SKAP2: variants seen among roughly 807,000 people sequenced by gnomAD.
The protein encoded by SKAP2 is src kinase associated phosphoprotein 2.
SKAP2 carries 28 observed loss-of-function variants against 54.9 expected under a neutral mutation model. That is an observed-to-expected ratio of 0.51 (90% CI 0.38 to 0.70). SKAP2 has a LOEUF of 0.70. Ranked by LOEUF, SKAP2 falls within the 30% of genes least tolerant of loss-of-function variation. SKAP2 has a pLI of 0.00. For missense variants in SKAP2, 356 were observed against 424.1 expected, an observed-to-expected ratio of 0.84 and a Z score of 1.41; for synonymous variants, 137 against 134.3, an observed-to-expected ratio of 1.02 and a Z score of -0.14.
At chr7:26,820,791 C>G (rs921791865) in intron 4 of SKAP2, among the ~76,000 whole-genome samples, 1 of 152,172 alleles carries the variant, frequency 6.6e-6, no homozygotes, top group Non-Finnish European at 1.5e-5. Context: ...AATTAAACTA[C>G]TTATGTTCAA....
chr7:26,840,361 C>T (rs143558652), intron 4 of SKAP2, among the ~76,000 whole-genome samples: 1 of 152,056 alleles, frequency 6.6e-6, no homozygotes, highest in Non-Finnish European at 1.5e-5. Flanking sequence ...TCACTGAATC[C>T]TTTCACCTTA....
At chr7:26,807,616 G>A (rs577859361) in intron 4 of SKAP2, among the ~76,000 whole-genome samples, 1 of 152,302 alleles carries the variant, frequency 6.6e-6, no homozygotes, top group Non-Finnish European at 1.5e-5. Context: ...GACTAATACA[G>A]TCTCCAATTT....
chr7:26,712,665 T>C (rs1412960683), intron 9 of SKAP2, among the ~76,000 whole-genome samples: 1 of 152,166 alleles, frequency 6.6e-6, no homozygotes, highest in Non-Finnish European at 1.5e-5. Context: ...TAATAATACC[T>C]ATACCATCAA....
At chr7:26,760,207 AC>A (rs1782894973) in intron 4 of SKAP2, among the ~76,000 whole-genome samples, 1 of 152,210 alleles carries the variant, frequency 6.6e-6, no homozygotes, top group Non-Finnish European at 1.5e-5. Context: ...AATTCAAACT[AC>A]TTGAAATTCT....
intron 1 of SKAP2, among the ~76,000 whole-genome samples, chr7:26,863,190 T>C (rs1300472064): frequency 6.6e-6 from 1 of 152,126 alleles, no homozygotes; most frequent in Non-Finnish European, 1.5e-5. Context: ...ACTACCATAT[T>C]AATAATGCCA....
chr7:26,784,364 G>C (rs1431371806), intron 4 of SKAP2, among the ~76,000 whole-genome samples: 1 of 152,176 alleles, frequency 6.6e-6, no homozygotes, highest in African/African-American at 2.4e-5. Context: ...TGGAGCAAAA[G>C]TTTTTCCTCC....
At chr7:26,839,154 A>T (rs1784769523) in intron 4 of SKAP2, among the ~76,000 whole-genome samples, 1 of 152,180 alleles carries the variant, frequency 6.6e-6, no homozygotes, top group Admixed American at 6.6e-5. Context: ...ACTTAGAAAG[A>T]TAATTCTCAA....
intron 9 of SKAP2, among the ~76,000 whole-genome samples, chr7:26,704,157 T>A (rs893125356): frequency 2.6e-5 from 4 of 152,188 alleles, no homozygotes; most frequent in Non-Finnish European, 5.9e-5. Context: ...TGAAAAATAG[T>A]GTACACTGCT....
At position 26,690,352 on chromosome 7, in the gene SKAP2, C is replaced by G. The variant is rs1562576654; in HGVS notation, c.807G>C (p.Glu269Asp). 1 of 1,608,862 alleles carries G rather than the reference C, an allele frequency of 6.2e-7. No homozygotes were observed. Among genetic ancestry groups the G allele is most frequent in the African/African-American group, 1.3e-5 (1 of 74,900 alleles). The change falls in exon 10 of 13, where the codon GAG becomes GAC. Residue 269 changes from glutamate to aspartate, a missense_variant. Transcript: ENST00000345317. The part of the protein sequence containing the change: ...EIYEELPEEE[E>D]DSAPVKVEEQ... ...CTTCCACTTTCACTGGAGCACTGTC[C>G]TCTTCTTCTTCTGTAAATAAACATT...
chr7:26,753,287 G>T (rs1782723998), intron 4 of SKAP2, among the ~76,000 whole-genome samples: 1 of 152,136 alleles, frequency 6.6e-6, no homozygotes, highest in Non-Finnish European at 1.5e-5. Context: ...GGGATCATAA[G>T]GCAGTGTTCT....
intron 6 of SKAP2, among the ~76,000 whole-genome samples, chr7:26,737,085 T>C (rs1281419858): frequency 1.3e-5 from 2 of 152,192 alleles, no homozygotes; most frequent in Non-Finnish European, 1.5e-5. Flanking sequence ...AACACTGACA[T>C]TAGTATTCAT....
chr7:26,791,330 C>T (rs1783670553), intron 4 of SKAP2, among the ~76,000 whole-genome samples: 1 of 152,082 alleles, frequency 6.6e-6, no homozygotes, highest in African/African-American at 2.4e-5. Flanking sequence ...TCACGGCTCA[C>T]TGCTGGCTAA....
rs755696213 is a variant in SKAP2, at chr7:26,684,834, C to G, written c.889G>C (p.Asp297His). ...VHHTSGDKST[D>H]YANFYQGLWD... is the part of the protein sequence containing the mutation. ...AATCCCTGGTAAAAATTAGCATAATCAGTGCTCTTATCCCCTAGGAAGAAG... is the reference window on the plus strand; with the variant it reads ...AATCCCTGGTAAAAATTAGCATAATGAGTGCTCTTATCCCCTAGGAAGAAG... The change falls in exon 11 of 13, where the codon GAT becomes CAT. Residue 297 changes from aspartate (D) to histidine (H), a missense_variant. Asp to His is a moderately conservative substitution (Grantham distance 81). Transcript: ENST00000345317. 1.2e-6 allele frequency: 2 copies of G among 1,604,562 alleles called. No individual in the cohort carries two copies. Among genetic ancestry groups the G allele is most frequent in the East Asian group, 4.5e-5 (2 of 44,724 alleles).
intron 4 of SKAP2, among the ~76,000 whole-genome samples, chr7:26,837,948 T>C (rs73069510): frequency 0.21 from 32,261 of 152,158 alleles, 3,515 homozygotes; most frequent in Non-Finnish European, 0.24. Context: ...TGAATTCAAA[T>C]TCCAGTTCTG....
intron 4 of SKAP2, among the ~76,000 whole-genome samples, chr7:26,791,641 G>C (rs1783675195): frequency 1.3e-5 from 2 of 152,158 alleles, no homozygotes; most frequent in Admixed American, 6.5e-5. Flanking sequence ...AAAATAGGTA[G>C]CAGTAGAATT....
Position 26,844,166 on chromosome 7 carries a change from T to A in SKAP2, c.200-29A>T, listed in dbSNP as rs754680064. ...TTAAAAAAAAAAAAAATCAGAGAAC[T>A]GCCTTTTATACTTTAGCCATTTAAA... On this transcript the variant is annotated intron_variant, in intron 3 of 12. Coordinates refer to ENST00000345317, the MANE Select transcript of SKAP2 (RefSeq NM_003930.5). The A allele has an allele frequency of 3.9e-6, 5 of 1,272,294 alleles. No individual in the cohort carries two copies. The African/African-American group carries it at 7.4e-5, about 19-fold the overall frequency. 78.8% of individuals were successfully genotyped at this position (1,272,294 alleles called of 1,614,324 possible). A position where few individuals can be genotyped will look rare whatever the true frequency, so the allele number is the denominator to read the frequency against.
chr7:26,787,398 C>T (rs1284849841), intron 4 of SKAP2, among the ~76,000 whole-genome samples: 1 of 151,998 alleles, frequency 6.6e-6, no homozygotes, highest in Non-Finnish European at 1.5e-5. Flanking sequence ...TCTTGGCTCA[C>T]TGCAACCTCT....
intron 9 of SKAP2, among the ~76,000 whole-genome samples, chr7:26,720,217 C>T (rs900989671): frequency 2.2e-4 from 34 of 152,310 alleles, no homozygotes; most frequent in African/African-American, 7.9e-4. Context: ...TTTTATCTCA[C>T]CACCAGTGGA....
Position 26,844,116 on chromosome 7 carries a change from T to C in SKAP2, c.221A>G (p.Glu74Gly), listed in dbSNP as rs147926422. Residue 74 changes from glutamate (E) to glycine (G), a missense_variant, in exon 4 of 13, where the codon GAA becomes GGA. By Grantham distance (98) the Glu-to-Gly change is moderately conservative. Coordinates refer to ENST00000345317, the MANE Select transcript of SKAP2 (RefSeq NM_003930.5). ...AGGCCCAGCAAAAGGGTCATCATAT[T>C]CTTCCCCATCTTCTGCATCACCTGT... Reference protein sequence around the residue: ...QDKGDAEDGEEYDDPFAGPPD... With the variant: ...QDKGDAEDGEGYDDPFAGPPD... 8.5e-5 allele frequency: 136 copies of C among 1,608,092 alleles called. No homozygotes were observed. The African/African-American group carries it at 1.7e-3, about 20-fold the overall frequency.
Sources: allele counts gnomAD v4.1 joint callset (sites outside exome capture counted in the v4.1 genomes callset), GRCh38; gene constraint gnomAD v4.1.1; transcripts MANE v1.5; gene names NCBI Gene and HGNC (gene_info 2026-07-23, HGNC 2026-07-21).